ZNF829: variants seen among roughly 807,000 people sequenced by gnomAD.
The protein encoded by ZNF829 is zinc finger protein 829.
A neutral mutation model predicts 35.2 loss-of-function variants in ZNF829; 25 were observed. The observed-to-expected ratio is 0.71, with a 90% CI of 0.52 to 0.99. The LOEUF (loss-of-function observed/expected upper bound fraction) is 0.99, where lower values mean the gene tolerates loss of function less well. Ranked by LOEUF, ZNF829 falls within the 50% of genes least tolerant of loss-of-function variation. The probability of loss-of-function intolerance (pLI) is 0.00; values close to 1 mark genes in which losing one functional copy is unlikely to be tolerated. For missense variants in ZNF829, 417 were observed against 515.3 expected (o/e 0.81, Z 1.85); for synonymous variants, 136 against 163.2 (o/e 0.83, Z 1.27).
intron 5 of ZNF829, among the ~76,000 whole-genome samples, chr19:36,898,137 C>G (rs1196357891): frequency 1.3e-5 from 2 of 151,964 alleles, no homozygotes; most frequent in Non-Finnish European, 2.9e-5. Context: ...TTGCACTCCT[C>G]CAGCCTGGGA....
chr19:36,895,431 A>G (rs938254272), intron 5 of ZNF829, among the ~76,000 whole-genome samples: 6 of 152,166 alleles, frequency 3.9e-5, no homozygotes, highest in Non-Finnish European at 8.8e-5. Flanking sequence ...ACATAAAACC[A>G]CCAAACCAAA....
chr19:36,908,195 A>C lies in ZNF829; in HGVS notation c.223+138T>G, dbSNP rs571657281. The C allele has an allele frequency of 2.8e-4, 373 of 1,330,930 alleles. 1 individual carries two copies. In the African/African-American group the frequency reaches 5.2e-3, roughly 19 times the overall value. 82.4% of individuals were successfully genotyped at this position (1,330,930 alleles called of 1,614,324 possible). A position where few individuals can be genotyped will look rare whatever the true frequency, so the allele number is the denominator to read the frequency against. Reference sequence around the variant, plus strand: ...GGAGCTGCCCACTTCCAACTCTTCCATTCTATTTTAACTCAAACCATTCCT... The same window carrying C: ...GGAGCTGCCCACTTCCAACTCTTCCCTTCTATTTTAACTCAAACCATTCCT... On this transcript the variant is annotated intron_variant, in intron 4 of 5. Coordinates refer to ENST00000391711, the MANE Select transcript of ZNF829 (RefSeq NM_001037232.4).
intron 5 of ZNF829, among the ~76,000 whole-genome samples, chr19:36,902,985 G>A (rs1370123898): frequency 2.0e-5 from 3 of 151,580 alleles, no homozygotes; most frequent in East Asian, 2.0e-4. Flanking sequence ...GTAGTGAGCC[G>A]AGATCACGCC....
chr19:36,915,125 C>A lies in ZNF829; in HGVS notation c.38+5G>T, dbSNP rs758579721. On this transcript the variant is annotated splice_donor_5th_base_variant and intron_variant, in intron 2 of 5. Coordinates refer to ENST00000391711, the MANE Select transcript of ZNF829 (RefSeq NM_001037232.4). ...TAAGAGTTCTTCCCCAGCCCCATTA[C>A]CCACCACACATGAGGAATGGAGATC... The A allele has an allele frequency of 1.2e-6, 2 of 1,613,942 alleles. No homozygotes were observed. The highest frequency in any genetic ancestry group is 1.7e-6 in the Non-Finnish European group (2 of 1,180,024).
chr19:36,901,813 A>G (rs1202304925), intron 5 of ZNF829: 6 of 680,956 alleles, frequency 8.8e-6, no homozygotes, highest in South Asian at 8.0e-5. Flanking sequence ...TGACCTGAGA[A>G]TACACCATCA....
chr19:36,892,091 GA>G lies in ZNF829; in HGVS notation c.699del (p.His234ThrfsTer54), dbSNP rs2073059915. The G allele has an allele frequency of 6.2e-7, 1 of 1,613,952 alleles. No homozygotes were observed. The highest frequency in any genetic ancestry group is 1.3e-5 in the African/African-American group (1 of 74,924). On this transcript the variant is annotated frameshift_variant, in exon 6 of 6. Coordinates refer to ENST00000391711, the MANE Select transcript of ZNF829 (RefSeq NM_001037232.4). LOFTEE classifies it high-confidence loss of function. ...CSSYFSQHQRIHTGEKPYECK... is the reference protein window; with the variant it reads ...CSSYFSQHQRXHTGEKPYECK... ...CATTCATAGGGTTTCTCACCAGTGT[GA>G]ATCCTCTGATGTTGAGAAAAATATG...
In ZNF829 at chr19:36,892,376, G is replaced by A; in HGVS notation, c.415C>T (p.Gln139Ter). Reference sequence around the variant, plus strand: ...TGAGGTGGAATAAGAAATGTGGGCTGAATAAAAGTAGACATGTCTTCACGG... The same window carrying A: ...TGAGGTGGAATAAGAAATGTGGGCTAAATAAAAGTAGACATGTCTTCACGG... ...ITREDMSTFIQPTFLIPPQKT... is the reference protein window; with the variant it reads ...ITREDMSTFI Residue 139 changes from glutamine (Q) to a stop codon, truncating the protein, a stop_gained, in exon 6 of 6, where the codon CAG becomes TAG. Coordinates refer to ENST00000391711, the MANE Select transcript of ZNF829 (RefSeq NM_001037232.4). LOFTEE classifies it high-confidence loss of function. 1 of 1,613,300 alleles carries A rather than the reference G, an allele frequency of 6.2e-7. No homozygotes were observed. Among genetic ancestry groups the A allele is most frequent in the South Asian group, 1.1e-5 (1 of 91,052 alleles).
chr19:36,890,599 G>A lies in ZNF829; in HGVS notation c.*893C>T, dbSNP rs1033150317. 6.6e-6 allele frequency: 1 copy of A among 151,516 alleles called. No individual in the cohort carries two copies. 9.4% of individuals were successfully genotyped at this position (151,516 alleles called of 1,614,324 possible). ...CTCACGTCTGTAATCCCAGCACTTT[G>A]GGAGGCTGAGGCGGGCAGATCACTT... is the stretch of plus-strand genomic sequence containing the variant. On this transcript the variant is annotated 3_prime_UTR_variant, in exon 6 of 6. Transcript: ENST00000391711.
intron 3 of ZNF829, among the ~76,000 whole-genome samples, chr19:36,913,664 AGG>A (rs57349669): frequency 0.013 from 1,986 of 152,274 alleles, 45 homozygotes; most frequent in African/African-American, 0.045. Flanking sequence ...TGAGAAGGAA[AGG>A]GGGAGAGAAT....
At chr19:36,895,624 T>C (rs1168167449) in intron 5 of ZNF829, among the ~76,000 whole-genome samples, 1 of 152,110 alleles carries the variant, frequency 6.6e-6, no homozygotes, top group Non-Finnish European at 1.5e-5. Context: ...AGAAACTCAC[T>C]TTATATATAA....
chr19:36,897,003 G>A (rs1237817790), intron 5 of ZNF829, among the ~76,000 whole-genome samples: 2 of 152,090 alleles, frequency 1.3e-5, no homozygotes, highest in African/African-American at 2.4e-5. Context: ...ACTGAACCAG[G>A]AAGAAACAGA....
intron 5 of ZNF829, among the ~76,000 whole-genome samples, chr19:36,896,038 G>A (rs566690388): frequency 2.0e-5 from 3 of 151,948 alleles, no homozygotes; most frequent in African/African-American, 4.8e-5. Flanking sequence ...GTGGCCAGGC[G>A]CGGTGGCTCA....
rs1398150899 is a variant in ZNF829, at chr19:36,916,133, G to A, written c.-207C>T. ...GCGGGACCCACGCCGATTCCTGTCA[G>A]CTCCTCGCCTGGGCCCACCCGAAAC... On this transcript the variant is annotated 5_prime_UTR_variant, in exon 1 of 6. Coordinates refer to ENST00000391711, the MANE Select transcript of ZNF829 (RefSeq NM_001037232.4). The surrounding 1 kb of genome is among the most constrained non-coding windows in gnomAD (Gnocchi z 5.3). 2 of 547,192 alleles carry A rather than the reference G, an allele frequency of 3.7e-6. No individual in the cohort carries two copies. The highest frequency in any genetic ancestry group is 7.2e-5 in the Admixed American group (2 of 27,830). 33.9% of individuals were successfully genotyped at this position (547,192 alleles called of 1,614,324 possible). A position where few individuals can be genotyped will look rare whatever the true frequency, so the allele number is the denominator to read the frequency against.
At chr19:36,915,959 G>GA in intron 1 of ZNF829, 52 bp downstream of exon 1, 1 of 1,532,916 alleles carries the variant, frequency 6.5e-7, no homozygotes, top group African/African-American at 1.4e-5. Context: ...AGTCATCCCG[G>GA]ATGGGAACTT....
intron 5 of ZNF829, chr19:36,907,688 A>C (rs1402042653): frequency 2.8e-6 from 1 of 357,800 alleles, no homozygotes; most frequent in Non-Finnish European, 5.1e-6. Context: ...ACTGTTATAC[A>C]AATCTAAACG....
chr19:36,895,997 T>C (rs552866826), intron 5 of ZNF829, among the ~76,000 whole-genome samples: 1 of 152,078 alleles, frequency 6.6e-6, no homozygotes, highest in African/African-American at 2.4e-5. Flanking sequence ...CGAAACCCTG[T>C]CTCTACTAAA....
rs1405508024 is a variant in ZNF829 at position 36,888,963 on chromosome 19, G to A, written c.*2529C>T. 6.6e-6 allele frequency: 1 copy of A among 152,130 alleles called. No homozygotes were observed. The highest frequency in any genetic ancestry group is 2.4e-5 in the African/African-American group (1 of 41,408). 9.4% of individuals were successfully genotyped at this position (152,130 alleles called of 1,614,324 possible). A position where few individuals can be genotyped will look rare whatever the true frequency, so the allele number is the denominator to read the frequency against. ...ATTTTTCTATTTTTAGTAGAGACAG[G>A]GTTTCGCCATGTCAGCCAGACTGGT... is the stretch of plus-strand genomic sequence containing the variant. On this transcript the variant is annotated 3_prime_UTR_variant, in exon 6 of 6. Coordinates refer to ENST00000391711, the MANE Select transcript of ZNF829 (RefSeq NM_001037232.4).
rs1555727361 is a variant in ZNF829, at chr19:36,907,802, A to AC, written c.319+126_319+127insG. On this transcript the variant is annotated intron_variant, in intron 5 of 5. Transcript: ENST00000391711. Reference sequence around the variant, plus strand: ...TATATTGGACTAGGGAAAAAGTATGAGAAAAAAAAAAAAAGTGGGATAGCT... The same window carrying AC: ...TATATTGGACTAGGGAAAAAGTATGACGAAAAAAAAAAAAAGTGGGATAGCT... The AC allele has an allele frequency of 2.2e-5, 15 of 692,684 alleles. No homozygotes were observed. In the African/African-American group the frequency reaches 2.6e-4, roughly 12 times the overall value. The allele number at this position is 692,684 out of a possible 1,614,324, so 42.9% of individuals were successfully genotyped here.
intron 3 of ZNF829, among the ~76,000 whole-genome samples, chr19:36,913,851 CAGAT>C: frequency 6.6e-6 from 1 of 152,062 alleles, no homozygotes; most frequent in East Asian, 1.9e-4. Context: ...GAAGACAAGG[CAGAT>C]TACCATCAAG....
Sources: gnomAD v4.1 joint callset for allele counts (sites outside exome capture counted in the v4.1 genomes callset) on GRCh38, gnomAD v4.1.1 for gene constraint, Gnocchi (gnomAD v3.1) non-coding constraint, MANE v1.5 for transcripts, NCBI Gene and HGNC (gene_info 2026-07-23, HGNC 2026-07-21) for gene names.